The following ART3 variants were observed in gnomAD, a reference collection of about 807,000 sequenced individuals.
ART3 encodes the protein ADP-ribosyltransferase 3 (inactive), also known as ecto-ADP-ribosyltransferase 3.
ART3 carries 49 observed loss-of-function variants against 48.5 expected under a neutral mutation model. The ratio of observed to expected loss-of-function variants is 1.01; its 90% CI spans 0.80 to 1.28. The LOEUF (loss-of-function observed/expected upper bound fraction) is 1.28. Among genes scored for constraint, ART3 ranks in the 50% most tolerant of loss-of-function variants. The probability of loss-of-function intolerance (pLI) is 0.00; values close to 1 mark genes in which losing one functional copy is unlikely to be tolerated. For synonymous variants in ART3, 145 were observed against 157.2 expected (o/e 0.92, Z 0.58); for missense variants, 438 against 454.3 (o/e 0.96, Z 0.33).
intron 1 of ART3, among the ~76,000 whole-genome samples, chr4:76,069,388 T>TAA (rs1553930381): frequency 6.0e-5 from 5 of 84,028 alleles, no homozygotes; most frequent in Non-Finnish European, 1.1e-4. Flanking sequence ...CTTAATTCCT[T>TAA]TTTTTTTTTT....
chr4:76,030,917 T>TA lies in ART3; in HGVS notation c.-10+19599dup, dbSNP rs1452178100. On this transcript the variant is annotated intron_variant, in intron 1 of 9. Coordinates refer to the ART3 transcript ENST00000341029. The stretch of plus-strand genomic sequence containing the variant: ...GTTTCTGCTTTCTGGCTGTTGTGTA[T>TA]AATGCTGCTATGAACATTTGTGTAC... Among the ~76,000 whole-genome samples the TA allele has an allele frequency of 3.2e-4, 49 of 152,230 alleles. 1 individual carries two copies. Among genetic ancestry groups the TA allele is most frequent in the Admixed American group, 3.1e-3 (47 of 15,286 alleles).
chr4:76,039,987 G>A (rs764532050), intron 1 of ART3, among the ~76,000 whole-genome samples: 6 of 152,090 alleles, frequency 3.9e-5, no homozygotes, highest in Non-Finnish European at 8.8e-5. Flanking sequence ...ATTTTCTATT[G>A]TTTTATTTTC....
intron 5 of ART3, among the ~76,000 whole-genome samples, chr4:76,099,844 G>T (rs893340822): frequency 1.3e-5 from 2 of 152,188 alleles, no homozygotes; most frequent in Non-Finnish European, 2.9e-5. Context: ...AAGAGAAGAG[G>T]TTCCAGCCTT....
chr4:76,032,012 GA>G (rs1650788345), intron 1 of ART3, among the ~76,000 whole-genome samples: 1 of 152,190 alleles, frequency 6.6e-6, no homozygotes, highest in Admixed American at 6.5e-5. Context: ...GCTTAGTGAA[GA>G]AATGGGCAGA....
intron 1 of ART3, among the ~76,000 whole-genome samples, chr4:76,025,663 C>CT (rs2149383315): frequency 6.6e-6 from 1 of 152,198 alleles, no homozygotes. Flanking sequence ...AGTATATACT[C>CT]TTTTGTGCAA....
intron 3 of ART3, among the ~76,000 whole-genome samples, chr4:76,096,206 G>A (rs1725980960): frequency 6.6e-6 from 1 of 152,158 alleles, no homozygotes; most frequent in East Asian, 1.9e-4. Context: ...TTACAGGTGT[G>A]AGCCACCATA....
intron 1 of ART3, among the ~76,000 whole-genome samples, chr4:76,067,864 C>T (rs1009923155): frequency 6.6e-6 from 1 of 152,190 alleles, no homozygotes; most frequent in African/African-American, 2.4e-5. Context: ...GGTCATTGGC[C>T]TTCCCCGAGG....
At position 76,100,837 on chromosome 4, in the gene ART3, T is replaced by C. The variant is rs946707167; in HGVS notation, c.907+13T>C. On this transcript the variant is annotated intron_variant, in intron 7 of 11. Transcript: ENST00000355810. The stretch of plus-strand genomic sequence containing the variant: ...CTTGAAGACCATGGTAAGACATTTT[T>C]TATAAATTCTGGGGGCTTACATTTT... The C allele has an allele frequency of 1.2e-6, 2 of 1,610,100 alleles. No individual in the cohort carries two copies. Among genetic ancestry groups the C allele is most frequent in the South Asian group, 1.1e-5 (1 of 90,104 alleles).
upstream of ART3, among the ~76,000 whole-genome samples, chr4:76,070,937 A>G (rs1053897230): frequency 6.6e-6 from 1 of 151,736 alleles, no homozygotes; most frequent in African/African-American, 2.4e-5. Context: ...GCTATGTCTC[A>G]TCCCCTTTTG....
At chr4:76,052,361 A>G (rs1041880816) in intron 1 of ART3, among the ~76,000 whole-genome samples, 6 of 152,326 alleles carry the variant, frequency 3.9e-5, no homozygotes, top group African/African-American at 1.2e-4. Context: ...TCGCAAGTGC[A>G]TGCACAGAAT....
At chr4:76,055,222 A>G (rs1718571811) in intron 1 of ART3, among the ~76,000 whole-genome samples, 1 of 152,202 alleles carries the variant, frequency 6.6e-6, no homozygotes, top group Non-Finnish European at 1.5e-5. Context: ...CTCACTCTTC[A>G]GCTCTGAGTG....
In ART3 at chr4:76,103,918, T is replaced by G. The variant is rs767986706; in HGVS notation, c.938-19T>G. The G allele has an allele frequency of 1.9e-6, 3 of 1,591,250 alleles. No individual in the cohort carries two copies. Among genetic ancestry groups the G allele is most frequent in the Non-Finnish European group, 1.7e-6 (2 of 1,167,126 alleles). On this transcript the variant is annotated intron_variant, in intron 8 of 11. Transcript: ENST00000355810. ...AAGATAACTGATTAATACAAACCAA[T>G]ATTTATTTCTGCCTTTAGGTGTGAA...
chr4:76,011,521 A>G lies in ART3; in HGVS notation c.-10+201A>G, dbSNP rs535443307. On this transcript the variant is annotated intron_variant, in intron 1 of 9. Coordinates refer to the ART3 transcript ENST00000341029. ...ACGACGGCCCCAGAAGGGCCAGGGC[A>G]CTGGGCTTAGGGGTAACCCTGGGCC... Among the ~76,000 whole-genome samples the G allele has an allele frequency of 9.2e-4, 140 of 152,332 alleles. 1 individual carries two copies. Among genetic ancestry groups the G allele is most frequent in the Middle Eastern group, 6.8e-3 (2 of 294 alleles).
intron 3 of ART3, among the ~76,000 whole-genome samples, chr4:76,086,059 T>TC (rs67789570): frequency 0.011 from 1,488 of 130,726 alleles, 15 homozygotes; most frequent in East Asian, 0.055. Flanking sequence ...TCAACAAGAG[T>TC]CCCCCCCCCC....
At chr4:76,041,442 G>T (rs1159492240) in intron 1 of ART3, 3 of 151,864 alleles carry the variant, frequency 2.0e-5, no homozygotes, top group Non-Finnish European at 2.9e-5. Flanking sequence ...TTATATCGTG[G>T]TATCTTCTTG....
chr4:76,096,547 A>G (rs1183163759), intron 3 of ART3, among the ~76,000 whole-genome samples: 1 of 152,218 alleles, frequency 6.6e-6, no homozygotes, highest in Non-Finnish European at 1.5e-5. Flanking sequence ...AGTAGAGACC[A>G]CGAGGCATCT....
chr4:76,107,825 A>C, intron 11 of ART3, 32 bp downstream of exon 11: 1 of 1,458,442 alleles, frequency 6.9e-7, no homozygotes. Flanking sequence ...CAGTTGATAA[A>C]TGCCTGCTTC....
intron 1 of ART3, among the ~76,000 whole-genome samples, chr4:76,023,986 A>G (rs754132954): frequency 7.2e-5 from 11 of 152,226 alleles, no homozygotes; most frequent in Admixed American, 2.0e-4. Context: ...ATAAAGTAAT[A>G]GGACTGGCCT....
intron 1 of ART3, among the ~76,000 whole-genome samples, chr4:76,065,447 G>A (rs1177424814): frequency 1.3e-5 from 2 of 152,024 alleles, no homozygotes; most frequent in African/African-American, 4.8e-5. Flanking sequence ...ACTCCACATA[G>A]ACAGTAGTCC....
Sources: gnomAD v4.1 joint callset for allele counts (sites outside exome capture counted in the v4.1 genomes callset) on GRCh38, gnomAD v4.1.1 for gene constraint, MANE v1.5 for transcripts, NCBI Gene and HGNC (gene_info 2026-07-23, HGNC 2026-07-21) for gene names.